Variants in EI24 observed in about 807,000 individuals in gnomAD.
EI24 encodes EI24 autophagy associated transmembrane protein.
Under a neutral mutation model 48.6 loss-of-function variants are expected in EI24, and 21 were observed. That is an observed-to-expected ratio of 0.43 (90% CI 0.31 to 0.62). The LOEUF (loss-of-function observed/expected upper bound fraction) is 0.62, where lower values mean the gene tolerates loss of function less well. EI24 is among the 20% of genes least tolerant of loss of function. The probability of loss-of-function intolerance (pLI) is 0.10; values close to 1 mark genes in which losing one functional copy is unlikely to be tolerated. For missense variants in EI24, 280 were observed against 410.5 expected, an observed-to-expected ratio of 0.68 and a Z score of 2.75; for synonymous variants, 114 against 145.5, an observed-to-expected ratio of 0.78 and a Z score of 1.56.
chr11:125,571,327 T>C (rs910621911), intron 1 of EI24, among the ~76,000 whole-genome samples: 3 of 152,210 alleles, frequency 2.0e-5, no homozygotes, highest in Admixed American at 6.5e-5. Flanking sequence ...TGCCTGAAAG[T>C]GGGTTTTCTA....
chr11:125,577,569 C>T lies in EI24; in HGVS notation c.315C>T (p.Ile105=), dbSNP rs375565019. The change falls in exon 5 of 11, where the codon ATC becomes ATT. Residue 105 remains isoleucine, a splice_region_variant and synonymous_variant. Transcript: ENST00000278903. ...TTCAGTCGGTAACAGCCCGAATTAT[C>T]GGTAAGTGTATACCCTGCTCCTTGT... ...PVLQSVTARI[I]GDPSLHGDVW... 1.3e-5 allele frequency: 21 copies of T among 1,613,108 alleles called. No individual in the cohort carries two copies. The African/African-American group carries it at 2.1e-4, about 16-fold the overall frequency.
chr11:125,583,376 T>G, intron 10 of EI24, 145 bp from the exon 11 acceptor site: 1 of 679,392 alleles, frequency 1.5e-6, no homozygotes, highest in Non-Finnish European at 2.4e-6. Context: ...GTTCCATCCA[T>G]GTATCTAATA....
intron 9 of EI24, among the ~76,000 whole-genome samples, chr11:125,581,569 CAG>C (rs376441045): frequency 0.069 from 5,252 of 75,662 alleles, 292 homozygotes; most frequent in Middle Eastern, 0.13. Flanking sequence ...TTTTTTGAGA[CAG>C]AGTCTCACTC....
At chr11:125,581,723 T>C (rs568636041) in intron 9 of EI24, among the ~76,000 whole-genome samples, 203 of 151,322 alleles carry the variant, frequency 1.3e-3, no homozygotes, top group Middle Eastern at 3.4e-3. Flanking sequence ...ATTTTTGTGT[T>C]TTTAGTAGAG....
intron 8 of EI24, chr11:125,581,004 G>A (rs1938969032): frequency 6.2e-6 from 1 of 160,554 alleles, no homozygotes; most frequent in African/African-American, 2.4e-5. Context: ...TTGAAACCAG[G>A]AGGTGGAGGT....
At chr11:125,577,872 A>G in intron 5 of EI24, 1 of 580,966 alleles carries the variant, frequency 1.7e-6, no homozygotes, top group Middle Eastern at 4.6e-4. Context: ...CGTACTGGTA[A>G]TCACTGTGGC....
intron 4 of EI24, 28 bp downstream of exon 4, chr11:125,576,343 A>T (rs371769640): frequency 3.7e-6 from 6 of 1,606,746 alleles, no homozygotes; most frequent in Non-Finnish European, 5.1e-6. Context: ...CAGGTGCCTT[A>T]TAAGCATCTT....
intron 8 of EI24, chr11:125,580,915 A>G (rs1459280547): frequency 6.5e-6 from 1 of 155,002 alleles, no homozygotes; most frequent in African/African-American, 2.4e-5. Context: ...TGTCTCTACT[A>G]AAAATACAAA....
intron 10 of EI24, 62 bp downstream of exon 10, chr11:125,582,482 A>C (rs1019732856): frequency 2.4e-6 from 3 of 1,256,388 alleles, no homozygotes; most frequent in Non-Finnish European, 3.3e-6. Context: ...AACACCAGTT[A>C]TGTCAGTGAG....
At chr11:125,573,800 A>G (rs745918953) in intron 2 of EI24, among the ~76,000 whole-genome samples, 44 of 145,074 alleles carry the variant, frequency 3.0e-4, no homozygotes, top group Non-Finnish European at 6.1e-4. Context: ...TCCTGCCTCA[A>G]CCTCCCAGGT....
At position 125,584,243 on chromosome 11, in the gene EI24, A is replaced by AT. The variant is rs1351455699; in HGVS notation, c.*560_*561insT. 6.8e-6 allele frequency: 1 copy of AT among 146,606 alleles called. No individual in the cohort carries two copies. Among genetic ancestry groups the AT allele is most frequent in the African/African-American group, 2.6e-5 (1 of 37,784 alleles). The allele number at this position is 146,606 out of a possible 1,614,324, so 9.1% of individuals were successfully genotyped here. A position where few individuals can be genotyped will look rare whatever the true frequency, so the allele number is the denominator to read the frequency against. ...TTGCTCCACTGCAAAAAAAAAAAAA[A>AT]AAAAAAAAAAAAAAAAAAAGCCTGA... On this transcript the variant is annotated 3_prime_UTR_variant, in exon 11 of 11. Transcript: ENST00000278903.
Position 125,575,338 on chromosome 11 carries a change from C to G in EI24, c.118C>G (p.Gln40Glu). The G allele has an allele frequency of 6.3e-7, 1 of 1,577,588 alleles. No homozygotes were observed. Residue 40 changes from glutamine to glutamate, a missense_variant, in exon 3 of 11, where the codon CAG (glutamine) becomes GAG (glutamate). By Grantham distance (29) the Gln-to-Glu change is conservative. Coordinates refer to ENST00000278903, the MANE Select transcript of EI24 (RefSeq NM_004879.5). ...TCGAATCCAGCAAAAGAGAGAGGAG[C>G]AGCGTCGAAGAAGGGCAAGTAGTGT... ...DARIQQKREEQRRRRASSVLA... is the reference protein window; with the variant it reads ...DARIQQKREEERRRRASSVLA...
chr11:125,576,203 A>G, intron 3 of EI24, 52 bp from the exon 4 acceptor site: 1 of 1,544,398 alleles, frequency 6.5e-7, no homozygotes, highest in Non-Finnish European at 8.9e-7. Context: ...ACTGAATGAC[A>G]ATTAGGAAAT....
chr11:125,574,167 C>T (rs1325026216), intron 2 of EI24, among the ~76,000 whole-genome samples: 7 of 151,688 alleles, frequency 4.6e-5, no homozygotes, highest in Admixed American at 3.9e-4. Flanking sequence ...GCAGGAGAAT[C>T]GTTTGAACCT....
At position 125,577,518 on chromosome 11, in the gene EI24, G is replaced by C. The variant is rs1486855832; in HGVS notation, c.264G>C (p.Leu88Phe). The C allele has an allele frequency of 2.5e-6, 4 of 1,613,758 alleles. No individual in the cohort carries two copies. In the Admixed American group the frequency reaches 5.0e-5, roughly 20 times the overall value. Residue 88 changes from leucine (L) to phenylalanine (F), a missense_variant, in exon 5 of 11, where the codon TTG (leucine) becomes TTC (phenylalanine). Coordinates refer to ENST00000278903, the MANE Select transcript of EI24 (RefSeq NM_004879.5). Reference sequence around the variant, plus strand: ...CTTTTCTTTAGTTCAGTCTCCTCTTGTTTTATCGAGTATTTATTCCTGTGC... The same window carrying C: ...CTTTTCTTTAGTTCAGTCTCCTCTTCTTTTATCGAGTATTTATTCCTGTGC... ...NGGVFWFSLL[L>F]FYRVFIPVLQ...
At chr11:125,578,054 G>C in intron 5 of EI24, 79 bp from the exon 6 acceptor site, 1 of 1,556,324 alleles carries the variant, frequency 6.4e-7, no homozygotes, top group Non-Finnish European at 8.8e-7. Context: ...ACAGAGAATA[G>C]TCACGAGATG....
rs1262171732 is a variant in EI24 at position 125,581,570 on chromosome 11, A to G, written c.785+248A>G. 9.9e-5 allele frequency among the ~76,000 whole-genome samples: 9 copies of G among 91,116 alleles called. No homozygotes were observed. In the East Asian group the frequency reaches 1.1e-3, roughly 11 times the overall value. The allele number at this position is 91,116 out of a possible 152,430, so 59.8% of individuals were successfully genotyped here. A position where few individuals can be genotyped will look rare whatever the true frequency, so the allele number is the denominator to read the frequency against. On this transcript the variant is annotated intron_variant, in intron 9 of 10. Transcript: ENST00000278903. ...TTTTTTTTTTTTTTTTTTTTGAGACAGAGTCTCACTCTGTCGCCCAGGCTA... is the reference window on the plus strand; with the variant it reads ...TTTTTTTTTTTTTTTTTTTTGAGACGGAGTCTCACTCTGTCGCCCAGGCTA...
Position 125,583,521 on chromosome 11 carries a change from T to C in EI24, c.861T>C (p.Tyr287=). ...ANEAKTPGKA[Y]LFQLRLFSLV... The stretch of plus-strand genomic sequence containing the variant: ...ACAAGTTGGGTTTCTTGCCTTTTAG[T>C]CTCTTCCAGTTGCGCCTCTTCTCCT... Residue 287 remains tyrosine, a splice_region_variant and synonymous_variant, in exon 11 of 11, where the codon TAT becomes TAC. Transcript: ENST00000278903. 1 of 1,570,818 alleles carries C rather than the reference T, an allele frequency of 6.4e-7. No individual in the cohort carries two copies. The highest frequency in any genetic ancestry group is 1.9e-5 in the Admixed American group (1 of 53,734).
chr11:125,575,167 C>G, intron 2 of EI24, 96 bp from the exon 3 acceptor site: 1 of 1,144,084 alleles, frequency 8.7e-7, no homozygotes. Flanking sequence ...TTGGAGGCTG[C>G]AGTGAGCTAT....
Sources: gnomAD v4.1 joint callset for allele counts (sites outside exome capture counted in the v4.1 genomes callset) on GRCh38, gnomAD v4.1.1 for gene constraint, MANE v1.5 for transcripts, NCBI Gene and HGNC (gene_info 2026-07-23, HGNC 2026-07-21) for gene names.